The following GRAMD1B variants were observed in gnomAD, a reference collection of about 807,000 sequenced individuals.
The protein encoded by GRAMD1B is protein Aster-B.
A neutral mutation model predicts 99.7 loss-of-function variants in GRAMD1B; 37 were observed. The observed-to-expected ratio is 0.37, with a 90% confidence interval of 0.29 to 0.49. GRAMD1B has a LOEUF of 0.49. Ranked by LOEUF, GRAMD1B falls within the 20% of genes least tolerant of loss-of-function variation. GRAMD1B has a pLI of 0.98. For missense variants in GRAMD1B, 888 were observed against 1,009.2 expected (o/e 0.88, Z 1.63); for synonymous variants, 427 against 387.6 (o/e 1.10, Z -1.19).
At chr11:123,571,266 G>A (rs1948043260) in intron 2 of GRAMD1B, among the ~76,000 whole-genome samples, 1 of 152,194 alleles carries the variant, frequency 6.6e-6, no homozygotes, top group Admixed American at 6.5e-5. Context: ...TCTGCCTTGT[G>A]CCTGCAGGAC....
At chr11:123,360,516 G>A (rs552978433) in intron 1 of GRAMD1B, among the ~76,000 whole-genome samples, 19 of 152,278 alleles carry the variant, frequency 1.2e-4, no homozygotes, top group Non-Finnish European at 2.2e-4. Context: ...AGGGCGTGTG[G>A]TAGTTTTAGT....
chr11:123,469,323 G>T (rs1950868249), intron 1 of GRAMD1B, among the ~76,000 whole-genome samples: 1 of 152,188 alleles, frequency 6.6e-6, no homozygotes. Context: ...TCAGTGTCAG[G>T]ATAGACTGGA....
chr11:123,421,799 AC>A (rs1467304489), intron 1 of GRAMD1B, among the ~76,000 whole-genome samples: 2 of 152,206 alleles, frequency 1.3e-5, no homozygotes, highest in Admixed American at 6.5e-5. Flanking sequence ...AAGTTATGCA[AC>A]AAATGACTTC....
chr11:123,401,913 A>T (rs1947676164), intron 1 of GRAMD1B, among the ~76,000 whole-genome samples: 1 of 152,112 alleles, frequency 6.6e-6, no homozygotes, highest in Non-Finnish European at 1.5e-5. Flanking sequence ...GTCTTAAAAA[A>T]AAGAAAAGAA....
intron 2 of GRAMD1B, chr11:123,509,931 G>A (rs1297908070): frequency 6.6e-6 from 1 of 152,348 alleles, no homozygotes; most frequent in African/African-American, 2.4e-5. Flanking sequence ...CTGCTCTCAT[G>A]TACCTTTAGA....
chr11:123,578,822 G>A (rs535921456), intron 3 of GRAMD1B, among the ~76,000 whole-genome samples: 1 of 152,338 alleles, frequency 6.6e-6, no homozygotes, highest in South Asian at 2.1e-4. Flanking sequence ...CCCCTTTGGT[G>A]GTTGATTCTG....
Position 123,622,510 on chromosome 11 carries a change from A to C in GRAMD1B, c.2549A>C (p.Lys850Thr). ...KSSVMLLDQM[K>T]DSLINLQNGI... ...GTGGGGTTTTCTGTCTTGCAGATGAAGGACTCGCTCATCAACCTTCAGAAC... is the reference window on the plus strand; with the variant it reads ...GTGGGGTTTTCTGTCTTGCAGATGACGGACTCGCTCATCAACCTTCAGAAC... The change falls in exon 20 of 20, where the codon AAG becomes ACG. Residue 850 changes from lysine to threonine, a missense_variant. Physicochemically the swap from Lys to Thr is moderately conservative, Grantham distance 78. This residue lies in a region of GRAMD1B where 232 missense variants were observed against 261.7 expected (regional missense o/e 0.89). Coordinates refer to ENST00000635736, the MANE Select transcript of GRAMD1B (RefSeq NM_001387025.1). 6.5e-7 allele frequency: 1 copy of C among 1,550,276 alleles called. No homozygotes were observed. The highest frequency in any genetic ancestry group is 8.7e-7 in the Non-Finnish European group (1 of 1,143,798).
intron 4 of GRAMD1B, among the ~76,000 whole-genome samples, chr11:123,588,186 G>A (rs1171821175): frequency 2.0e-5 from 3 of 152,046 alleles, no homozygotes; most frequent in African/African-American, 7.3e-5. Context: ...TGAGATCAAT[G>A]CCCCACCGAA....
chr11:123,421,313 G>A (rs893873262), intron 1 of GRAMD1B, among the ~76,000 whole-genome samples: 8 of 152,158 alleles, frequency 5.3e-5, no homozygotes, highest in Non-Finnish European at 1.2e-4. Context: ...AATTAGATGC[G>A]CACAGAATGT....
chr11:123,514,900 T>C (rs1941528484), intron 2 of GRAMD1B, among the ~76,000 whole-genome samples: 1 of 152,198 alleles, frequency 6.6e-6, no homozygotes, highest in South Asian at 2.1e-4. Flanking sequence ...GGATTGTGTG[T>C]TTTGTTTCTT....
intron 2 of GRAMD1B, among the ~76,000 whole-genome samples, chr11:123,543,736 G>T (rs1374111180): frequency 1.3e-5 from 2 of 152,158 alleles, no homozygotes; most frequent in Admixed American, 6.5e-5. Context: ...ATCCCATTTC[G>T]CAGAAGAATT....
At chr11:123,368,275 A>AAAAAAAAAAAAAAAAAAAAAG (rs60644137) in intron 1 of GRAMD1B, among the ~76,000 whole-genome samples, 1 of 127,112 alleles carries the variant, frequency 7.9e-6, no homozygotes, top group African/African-American at 3.6e-5. Flanking sequence ...AAAAAAAAAA[A>AAAAAAAAAAAAAAAAAAAAAG]AAAGAAAGAA....
At chr11:123,590,509 G>A (rs534751903) in intron 4 of GRAMD1B, among the ~76,000 whole-genome samples, 1 of 152,194 alleles carries the variant, frequency 6.6e-6, no homozygotes, top group Admixed American at 6.5e-5. Flanking sequence ...GGGGTTACTG[G>A]AGGACATTGG....
chr11:123,441,032 G>A (rs541255720), intron 1 of GRAMD1B, among the ~76,000 whole-genome samples: 4 of 152,194 alleles, frequency 2.6e-5, no homozygotes, highest in East Asian at 1.9e-4. Context: ...CACCATGATC[G>A]TGAGGCCTCC....
At chr11:123,592,186 G>A (rs540122965) in intron 4 of GRAMD1B, among the ~76,000 whole-genome samples, 1 of 152,304 alleles carries the variant, frequency 6.6e-6, no homozygotes, top group Admixed American at 6.5e-5. Flanking sequence ...TGAAGACCTA[G>A]TAGAGGGCTT....
chr11:123,607,506 C>T (rs2136889917), intron 11 of GRAMD1B, among the ~76,000 whole-genome samples: 1 of 152,298 alleles, frequency 6.6e-6, no homozygotes, highest in East Asian at 1.9e-4. Flanking sequence ...TCCCAGGGGC[C>T]ACCTGCAGTG....
At chr11:123,551,441 A>C (rs1463301488) in intron 2 of GRAMD1B, among the ~76,000 whole-genome samples, 1 of 152,150 alleles carries the variant, frequency 6.6e-6, no homozygotes, top group Non-Finnish European at 1.5e-5. Flanking sequence ...ACATCTGTTC[A>C]TTCTCACAGT....
chr11:123,555,306 T>TTTATTTATGGAAGTAGCATGGTA (rs1379977035), intron 2 of GRAMD1B, among the ~76,000 whole-genome samples: 1 of 152,158 alleles, frequency 6.6e-6, no homozygotes, highest in Non-Finnish European at 1.5e-5. Flanking sequence ...CTTGTAGATG[T>TTTATTTATGGAAGTAGCATGGTA]TTATTTATGG....
chr11:123,559,567 C>A, intron 2 of GRAMD1B: 1 of 511,402 alleles, frequency 2.0e-6, no homozygotes, highest in Non-Finnish European at 2.5e-6. Context: ...ACTGCCAGAA[C>A]TTTCCTCTGG....
Sources: allele counts gnomAD v4.1 joint callset (sites outside exome capture counted in the v4.1 genomes callset), GRCh38; gene constraint gnomAD v4.1.1; regional missense constraint gnomAD v4.1.1; transcripts MANE v1.5; gene names NCBI Gene and HGNC (gene_info 2026-07-23, HGNC 2026-07-21).